The following GATA4 variants were observed in gnomAD, a reference collection of about 807,000 sequenced individuals.
GATA4 encodes the protein GATA binding protein 4, also known as transcription factor GATA-4.
In GATA4, 7 loss-of-function variants were observed where a neutral mutation model predicts 37.9. That is an observed-to-expected ratio of 0.18 (90% CI 0.11 to 0.35). GATA4 has a LOEUF of 0.35. GATA4 is among the 10% of genes least tolerant of loss of function. GATA4 has a pLI of 1.00. For missense variants in GATA4, 647 were observed against 653.0 expected, an observed-to-expected ratio of 0.99 and a Z score of 0.10; for synonymous variants, 372 against 292.6, an observed-to-expected ratio of 1.27 and a Z score of -2.77.
At chr8:11,736,110 T>G (rs1801440413) in intron 2 of GATA4, among the ~76,000 whole-genome samples, 1 of 151,488 alleles carries the variant, frequency 6.6e-6, no homozygotes, top group Non-Finnish European at 1.5e-5. Context: ...GTGGTGTTAC[T>G]ATGTTGCCCA....
At chr8:11,692,492 C>G (rs1016684860), upstream of GATA4, 21 of 984,554 alleles carry the variant, frequency 2.1e-5, no homozygotes, top group Middle Eastern at 5.2e-4. Flanking sequence ...TTTCTCCTCC[C>G]GTGCACAGCG....
chr8:11,740,437 G>A (rs967944907), intron 2 of GATA4, among the ~76,000 whole-genome samples: 16 of 152,210 alleles, frequency 1.1e-4, no homozygotes, highest in African/African-American at 3.9e-4. Flanking sequence ...GGAGGCGGAC[G>A]GCACAAAGAG....
intron 2 of GATA4, among the ~76,000 whole-genome samples, chr8:11,728,320 A>T (rs1801036820): frequency 6.6e-6 from 1 of 152,266 alleles, no homozygotes; most frequent in African/African-American, 2.4e-5. Context: ...CCATTAATAA[A>T]TGCTATTATC....
chr8:11,708,202 G>C lies in GATA4; in HGVS notation c.-111G>C. 2.4e-6 allele frequency: 3 copies of C among 1,232,106 alleles called. No individual in the cohort carries two copies. The highest frequency in any genetic ancestry group is 3.4e-6 in the Non-Finnish European group (3 of 872,012). 76.3% of individuals were successfully genotyped at this position (1,232,106 alleles called of 1,614,324 possible). ...TTCCCCTTTGATTTTTGATCTTCGC[G>C]ACAGTTCCTCCCACGCATATTATCG... On this transcript the variant is annotated 5_prime_UTR_variant, in exon 2 of 7. Transcript: ENST00000532059. This position sits in a 1 kb window ranked among gnomAD's most constrained non-coding sequence, Gnocchi z 6.7.
intron 2 of GATA4, among the ~76,000 whole-genome samples, chr8:11,726,227 G>A (rs1800917303): frequency 6.6e-6 from 1 of 152,156 alleles, no homozygotes; most frequent in South Asian, 2.1e-4. Context: ...CGGGAGCGGA[G>A]CCATCCTTGT....
chr8:11,716,266 A>G (rs1800428814), intron 2 of GATA4, among the ~76,000 whole-genome samples: 1 of 152,242 alleles, frequency 6.6e-6, no homozygotes, highest in African/African-American at 2.4e-5. Flanking sequence ...GTTTTAAAAA[A>G]CAGATACATG....
At chr8:11,677,032 A>G (rs1328622342) in exon 1 of GATA4, 3 of 152,518 alleles carry the variant, frequency 2.0e-5, no homozygotes, top group East Asian at 1.9e-4. Flanking sequence ...CCAGGCCTTG[A>G]GCAGCCGCAG....
At position 11,758,840 on chromosome 8, in the gene GATA4, C is replaced by T. The variant is rs78334561; in HGVS notation, c.*365C>T. The stretch of plus-strand genomic sequence containing the variant: ...GAGGATCTGAGAACAAGCGGAGGGC[C>T]GGGCCCTGGGACCCCTGCTCCAGCC... On this transcript the variant is annotated 3_prime_UTR_variant, in exon 7 of 7. Transcript: ENST00000532059. The T allele has an allele frequency of 9.4e-4, 321 of 341,734 alleles. 1 individual carries two copies. In the East Asian group the frequency reaches 0.018, roughly 19 times the overall value. The allele number at this position is 341,734 out of a possible 1,614,324, so 21.2% of individuals were successfully genotyped here.
intron 2 of GATA4, among the ~76,000 whole-genome samples, chr8:11,713,118 G>A (rs1389975379): frequency 6.6e-6 from 1 of 152,024 alleles, no homozygotes; most frequent in African/African-American, 2.4e-5. Context: ...TGTTGGTTAT[G>A]TGAATAGGGC....
chr8:11,697,564 G>GA (rs1799542463), intron 1 of GATA4: 1 of 985,430 alleles, frequency 1.0e-6, no homozygotes, highest in Non-Finnish European at 1.2e-6. Context: ...CACCGCCAGG[G>GA]AAGCCTGGTC....
upstream of GATA4, among the ~76,000 whole-genome samples, chr8:11,699,396 C>T (rs1355107593): frequency 6.6e-6 from 1 of 152,170 alleles, no homozygotes; most frequent in Non-Finnish European, 1.5e-5. Context: ...CAAGAGAGAT[C>T]TCAGAGGAGG....
Position 11,750,422 on chromosome 8 carries a change from G to A in GATA4, c.912+186G>A, listed in dbSNP as rs62619883. Reference sequence around the variant, plus strand: ...TTTACATTGTATAAGTGAATTTTCCGTTTTACAGATGAGCAGGCTACATTT... The same window carrying A: ...TTTACATTGTATAAGTGAATTTTCCATTTTACAGATGAGCAGGCTACATTT... On this transcript the variant is annotated intron_variant, in intron 4 of 6. Coordinates refer to ENST00000532059, the MANE Select transcript of GATA4 (RefSeq NM_001308093.3). Among the ~76,000 whole-genome samples the A allele has an allele frequency of 7.7e-3, 1,167 of 152,266 alleles. 10 individuals carry two copies. Among genetic ancestry groups the A allele is most frequent in the Non-Finnish European group, 0.011 (736 of 68,026 alleles).
upstream of GATA4, among the ~76,000 whole-genome samples, chr8:11,689,028 C>G (rs772447132): frequency 6.6e-6 from 1 of 152,192 alleles, no homozygotes; most frequent in African/African-American, 2.4e-5. Context: ...CAGTGGTGGA[C>G]CTGAGACCCA....
chr8:11,754,259 C>T (rs1202374750), intron 4 of GATA4, among the ~76,000 whole-genome samples: 1 of 152,236 alleles, frequency 6.6e-6, no homozygotes, highest in African/African-American at 2.4e-5. Context: ...CTCCACCACC[C>T]AGGCTGGAGT....
chr8:11,735,632 G>C (rs1801416900), intron 2 of GATA4, among the ~76,000 whole-genome samples: 1 of 151,898 alleles, frequency 6.6e-6, no homozygotes, highest in Non-Finnish European at 1.5e-5. Context: ...GTGCAATCTC[G>C]GCTCACTGCA....
intron 2 of GATA4, among the ~76,000 whole-genome samples, chr8:11,748,663 G>A (rs532421921): frequency 2.0e-5 from 3 of 152,228 alleles, no homozygotes; most frequent in South Asian, 4.1e-4. Context: ...CAGGTGTCCC[G>A]CCTCCCAGCC....
intron 2 of GATA4, among the ~76,000 whole-genome samples, chr8:11,727,583 C>G (rs530141083): frequency 6.6e-6 from 1 of 152,106 alleles, no homozygotes; most frequent in African/African-American, 2.4e-5. Context: ...TGGCTCACAC[C>G]TGTAATCCCA....
chr8:11,740,828 G>A (rs1801700235), intron 2 of GATA4, among the ~76,000 whole-genome samples: 1 of 151,892 alleles, frequency 6.6e-6, no homozygotes, highest in African/African-American at 2.4e-5. Flanking sequence ...CTGCCTCCTG[G>A]GTTCGAGCAA....
At chr8:11,730,075 C>T (rs987389472) in intron 2 of GATA4, among the ~76,000 whole-genome samples, 1 of 152,036 alleles carries the variant, frequency 6.6e-6, no homozygotes, top group Non-Finnish European at 1.5e-5. Flanking sequence ...ACTACCATGC[C>T]CAGCTAACGT....
Sources: gnomAD v4.1 joint callset for allele counts (sites outside exome capture counted in the v4.1 genomes callset) on GRCh38, gnomAD v4.1.1 for gene constraint, Gnocchi (gnomAD v3.1) non-coding constraint, MANE v1.5 for transcripts, NCBI Gene and HGNC (gene_info 2026-07-23, HGNC 2026-07-21) for gene names.